The following KNL1 variants were observed in gnomAD, a reference collection of about 807,000 sequenced individuals.
KNL1 encodes the protein outer kinetochore KNL1 complex subunit KNL1.
In KNL1, 66 loss-of-function variants were observed where a neutral mutation model predicts 201.3. The observed-to-expected ratio is 0.33, with a 90% CI of 0.27 to 0.40. The LOEUF (loss-of-function observed/expected upper bound fraction) is 0.40, where lower values mean the gene tolerates loss of function less well. Among genes scored for constraint, KNL1 ranks in the 10% least tolerant of loss-of-function variants. The pLI is 1.00. For missense variants in KNL1, 2,815 were observed against 2,690.5 expected (o/e 1.05, Z -1.02); for synonymous variants, 895 against 899.2 (o/e 1.00, Z 0.08).
At position 40,662,398 on chromosome 15, in the gene KNL1, C is replaced by T; in HGVS notation, c.*210C>T. ...GGCCTCATAGCCTACTATCAACTTA[C>T]TCATCTTTGTACCAAAGGTTTAAGT... On this transcript the variant is annotated 3_prime_UTR_variant, in exon 26 of 26. Transcript: ENST00000399668. 2.2e-6 allele frequency: 1 copy of T among 460,870 alleles called. No individual in the cohort carries two copies. The highest frequency in any genetic ancestry group is 3.9e-6 in the Non-Finnish European group (1 of 258,472). 28.5% of individuals were successfully genotyped at this position (460,870 alleles called of 1,614,324 possible). A position where few individuals can be genotyped will look rare whatever the true frequency, so the allele number is the denominator to read the frequency against.
intron 25 of KNL1, among the ~76,000 whole-genome samples, chr15:40,661,327 C>T (rs60163307): frequency 0.02 from 2,994 of 151,842 alleles, 91 homozygotes; most frequent in African/African-American, 0.07. Context: ...CCCATCTCTA[C>T]TAAAAATACA....
chr15:40,662,631 C>CT lies in KNL1; in HGVS notation c.*444dup, dbSNP rs1649627721. 5.0e-6 allele frequency: 1 copy of CT among 198,822 alleles called. No homozygotes were observed. Among genetic ancestry groups the CT allele is most frequent in the South Asian group, 1.9e-4 (1 of 5,244 alleles). 12.3% of individuals were successfully genotyped at this position (198,822 alleles called of 1,614,324 possible). A position where few individuals can be genotyped will look rare whatever the true frequency, so the allele number is the denominator to read the frequency against. ...GAGTAGAAATGTATCTGTCTACAAA[C>CT]TATTATCCTTTTTCTCCGTTACTAA... On this transcript the variant is annotated 3_prime_UTR_variant, in exon 26 of 26. Transcript: ENST00000399668.
chr15:40,653,114 C>T (rs971504618), intron 21 of KNL1, among the ~76,000 whole-genome samples: 2 of 152,062 alleles, frequency 1.3e-5, no homozygotes, highest in Admixed American at 1.3e-4. Context: ...TTAGGAATCA[C>T]TCTATACCTC....
At chr15:40,612,695 T>G (rs1892209870) in intron 7 of KNL1, among the ~76,000 whole-genome samples, 2 of 151,944 alleles carry the variant, frequency 1.3e-5, no homozygotes, top group South Asian at 4.1e-4. Flanking sequence ...TTTGTTGTAT[T>G]TTTAGTAGAC....
In KNL1 at chr15:40,609,244, C is replaced by CAA. The variant is rs35081212; in HGVS notation, c.197+356_197+357dup. 7.7e-3 allele frequency among the ~76,000 whole-genome samples: 400 copies of CAA among 52,008 alleles called. 5 individuals are homozygous for CAA. The highest frequency in any genetic ancestry group is 0.019 in the African/African-American group (319 of 16,520). The allele number at this position is 52,008 out of a possible 152,430, so 34.1% of individuals were successfully genotyped here. A position where few individuals can be genotyped will look rare whatever the true frequency, so the allele number is the denominator to read the frequency against. On this transcript the variant is annotated intron_variant, in intron 5 of 25. Transcript: ENST00000399668. ...GCAACTTAGCGAGATCCCATCTCTA[C>CAA]AAAAAAAAAAAAAAAAAAAAATTAG... is the stretch of plus-strand genomic sequence containing the variant.
intron 6 of KNL1, among the ~76,000 whole-genome samples, chr15:40,610,634 C>CT (rs1400988614): frequency 6.6e-6 from 1 of 152,148 alleles, no homozygotes; most frequent in African/African-American, 2.4e-5. Flanking sequence ...AAGATTGAGA[C>CT]TGCAGTGATT....
At position 40,625,407 on chromosome 15, in the gene KNL1, A is replaced by C. The variant is rs1892714612; in HGVS notation, c.5143A>C (p.Asn1715His). ...LSPSQYINEENLPVYPDEINS... is the reference protein window; with the variant it reads ...LSPSQYINEEHLPVYPDEINS... ...TCCTTCTCAATATATAAATGAGGAAAATCTTCCTGTATATCCTGATGAGAT... is the reference window on the plus strand; with the variant it reads ...TCCTTCTCAATATATAAATGAGGAACATCTTCCTGTATATCCTGATGAGAT... The change falls in exon 10 of 26, where the codon AAT becomes CAT. Residue 1715 changes from asparagine (N) to histidine (H), a missense_variant. This residue lies in a region of KNL1 where 2,464 missense variants were observed against 2,291.7 expected (regional missense o/e 1.08). Coordinates refer to ENST00000399668, the MANE Select transcript of KNL1 (RefSeq NM_144508.5). The C allele has an allele frequency of 6.2e-7, 1 of 1,613,814 alleles. No individual in the cohort carries two copies. The highest frequency in any genetic ancestry group is 2.2e-5 in the East Asian group (1 of 44,868).
chr15:40,608,830 A>G lies in KNL1; in HGVS notation c.136-17A>G, dbSNP rs1244280513. ...GTGATTTTATTAAGAATTATACCAT[A>G]TATTCTCTGCCCTTAGGAATCCAAT... is the stretch of plus-strand genomic sequence containing the variant. On this transcript the variant is annotated splice_polypyrimidine_tract_variant and intron_variant, in intron 4 of 25. Coordinates refer to ENST00000399668, the MANE Select transcript of KNL1 (RefSeq NM_144508.5). The G allele has an allele frequency of 1.3e-5, 21 of 1,572,146 alleles. No individual in the cohort carries two copies. Among genetic ancestry groups the G allele is most frequent in the Non-Finnish European group, 9.6e-6 (11 of 1,142,672 alleles).
At chr15:40,628,264 T>C in intron 11 of KNL1, 56 bp downstream of exon 11, 1 of 1,509,612 alleles carries the variant, frequency 6.6e-7, no homozygotes, top group Non-Finnish European at 8.9e-7. Flanking sequence ...TAACTAATAA[T>C]AAGTAGTTTT....
rs1567023312 is a variant in KNL1 at position 40,657,035 on chromosome 15, TC to T, written c.6485-3del. 1 of 1,450,830 alleles carries T rather than the reference TC, an allele frequency of 6.9e-7. No individual in the cohort carries two copies. Among genetic ancestry groups the T allele is most frequent in the Admixed American group, 2.4e-5 (1 of 40,960 alleles). 89.9% of individuals were successfully genotyped at this position (1,450,830 alleles called of 1,614,324 possible). A position where few individuals can be genotyped will look rare whatever the true frequency, so the allele number is the denominator to read the frequency against. On this transcript the variant is annotated splice_region_variant and splice_polypyrimidine_tract_variant and intron_variant, in intron 22 of 25. Coordinates refer to ENST00000399668, the MANE Select transcript of KNL1 (RefSeq NM_144508.5). Reference sequence around the variant, plus strand: ...ACCTGCTTTTGCTTTTTTTTTTCCTTCCCCAGAGGATCAAGCTCCTCCTTCC... The same window carrying T: ...ACCTGCTTTTGCTTTTTTTTTTCCTTCCCAGAGGATCAAGCTCCTCCTTCC...
Position 40,622,712 on chromosome 15 carries a change from T to G in KNL1, c.2448T>G (p.Ser816Arg). The G allele has an allele frequency of 6.3e-7, 1 of 1,590,486 alleles. No homozygotes were observed. ...EKCGKSPIEK[S>R]GVLKSNCIMD... ...GTGGTAAAAGTCCCATAGAAAAAAG[T>G]GGAGTGCTTAAATCTAACTGTATTA... The change falls in exon 10 of 26, where the codon AGT becomes AGG. Residue 816 changes from serine to arginine, a missense_variant. Physicochemically the swap from Ser to Arg is moderately radical, Grantham distance 110. Coordinates refer to ENST00000399668, the MANE Select transcript of KNL1 (RefSeq NM_144508.5).
rs192396558 is a variant in KNL1 at position 40,598,944 on chromosome 15, C to T, written c.-17-3971C>T. On this transcript the variant is annotated intron_variant, in intron 1 of 25. Transcript: ENST00000399668. ...TCACCCTCCCAAGTAGCTGGGACTA[C>T]AGGCATGTGCTACCATACCTGGTTA... 2.0e-5 allele frequency among the ~76,000 whole-genome samples: 3 copies of T among 151,988 alleles called. No homozygotes were observed. In the East Asian group the frequency reaches 5.8e-4, roughly 30 times the overall value.
At chr15:40,639,159 C>T (rs1893146432) in intron 13 of KNL1, among the ~76,000 whole-genome samples, 2 of 138,328 alleles carry the variant, frequency 1.4e-5, no homozygotes, top group South Asian at 2.3e-4. Flanking sequence ...CTTAAAAATC[C>T]TTTTTTTTTT....
intron 13 of KNL1, among the ~76,000 whole-genome samples, chr15:40,632,158 G>T (rs1458710677): frequency 6.6e-6 from 1 of 151,608 alleles, no homozygotes; most frequent in Non-Finnish European, 1.5e-5. Context: ...GGCTGAGGAG[G>T]GAAGATCACT....
At chr15:40,605,648 C>T (rs1891947134) in intron 3 of KNL1, among the ~76,000 whole-genome samples, 2 of 152,116 alleles carry the variant, frequency 1.3e-5, no homozygotes, top group Admixed American at 1.3e-4. Context: ...TGAGGTTTTG[C>T]CATGTTGCCC....
chr15:40,596,723 G>A (rs1362129789), intron 1 of KNL1, among the ~76,000 whole-genome samples: 1 of 151,848 alleles, frequency 6.6e-6, no homozygotes, highest in East Asian at 1.9e-4. Context: ...CTTTTGGGCC[G>A]GGCACGGTGG....
chr15:40,654,447 C>G (rs1478566297), intron 21 of KNL1, among the ~76,000 whole-genome samples: 2 of 151,720 alleles, frequency 1.3e-5, no homozygotes, highest in African/African-American at 4.8e-5. Flanking sequence ...TCAGGGGAGC[C>G]TTTACTAGAT....
At position 40,663,344 on chromosome 15, in the gene KNL1, AC is replaced by A. The variant is rs1476945325; in HGVS notation, c.*1158del. ...AGTGCTGGGATTACAGGTGTGAGCC[AC>A]CACACCCAGCAATGTTTTCTTAATA... On this transcript the variant is annotated 3_prime_UTR_variant, in exon 26 of 26. Coordinates refer to ENST00000399668, the MANE Select transcript of KNL1 (RefSeq NM_144508.5). 3.5e-4 allele frequency: 62 copies of A among 176,642 alleles called. No individual in the cohort carries two copies. Among genetic ancestry groups the A allele is most frequent in the African/African-American group, 1.3e-3 (57 of 42,342 alleles). 10.9% of individuals were successfully genotyped at this position (176,642 alleles called of 1,614,324 possible).
chr15:40,639,446 G>A (rs184801434), intron 13 of KNL1, among the ~76,000 whole-genome samples: 30 of 151,892 alleles, frequency 2.0e-4, no homozygotes, highest in African/African-American at 6.8e-4. Context: ...GTAGCCGGGC[G>A]TGGTGGCACA....
Sources: allele counts gnomAD v4.1 joint callset (sites outside exome capture counted in the v4.1 genomes callset), GRCh38; gene constraint gnomAD v4.1.1; regional missense constraint gnomAD v4.1.1; transcripts MANE v1.5; gene names NCBI Gene and HGNC (gene_info 2026-07-23, HGNC 2026-07-21).